The following SNX29 variants were observed in gnomAD, a reference collection of about 807,000 sequenced individuals.
The protein encoded by SNX29 is sorting nexin 29, also known as sorting nexin-29.
In SNX29, 78 loss-of-function variants were observed where a neutral mutation model predicts 102.1. The ratio of observed to expected loss-of-function variants is 0.76; its 90% confidence interval spans 0.64 to 0.92. The LOEUF (loss-of-function observed/expected upper bound fraction) is 0.92, where lower values mean the gene tolerates loss of function less well. Among genes scored for constraint, SNX29 ranks in the 40% least tolerant of loss-of-function variants. The pLI is 0.00. For missense variants in SNX29, 1,280 were observed against 1,061.7 expected, an observed-to-expected ratio of 1.21 and a Z score of -2.86; for synonymous variants, 580 against 414.5, an observed-to-expected ratio of 1.40 and a Z score of -4.85.
At chr16:12,054,125 G>A (rs531574777) in intron 8 of SNX29, among the ~76,000 whole-genome samples, 1 of 152,022 alleles carries the variant, frequency 6.6e-6, no homozygotes, top group Admixed American at 6.6e-5. Context: ...CCGCCACCAC[G>A]CCCGGCTAAT....
intron 15 of SNX29, among the ~76,000 whole-genome samples, chr16:12,329,661 G>C (rs2081236661): frequency 6.6e-6 from 1 of 152,356 alleles, no homozygotes; most frequent in Non-Finnish European, 1.5e-5. Flanking sequence ...ATCCATGCCA[G>C]CTGCTAAGCA....
At chr16:12,037,143 A>G (rs982019293) in intron 4 of SNX29, among the ~76,000 whole-genome samples, 2 of 152,152 alleles carry the variant, frequency 1.3e-5, no homozygotes, top group African/African-American at 4.8e-5. Flanking sequence ...CTTACGGGTC[A>G]TATTATAGGG....
At chr16:12,439,042 C>T (rs2085673986) in intron 18 of SNX29, among the ~76,000 whole-genome samples, 1 of 152,218 alleles carries the variant, frequency 6.6e-6, no homozygotes, top group African/African-American at 2.4e-5. Context: ...CCCGGGCTTC[C>T]AAGGCAGGGC....
At chr16:12,524,556 G>A (rs942782842) in intron 19 of SNX29, 146 bp from the exon 20 acceptor site, 6 of 779,154 alleles carry the variant, frequency 7.7e-6, no homozygotes, top group African/African-American at 7.4e-5. Flanking sequence ...CTACATGTAA[G>A]GGCTTAGGGA....
chr16:12,527,733 G>C (rs1247122858), intron 20 of SNX29, among the ~76,000 whole-genome samples: 1 of 152,180 alleles, frequency 6.6e-6, no homozygotes, highest in African/African-American at 2.4e-5. Flanking sequence ...GAGGTGGGAA[G>C]CCTGCACCCT....
At chr16:12,045,843 T>G in intron 5 of SNX29, among the ~76,000 whole-genome samples, 1 of 152,042 alleles carries the variant, frequency 6.6e-6, no homozygotes, top group Non-Finnish European at 1.5e-5. Context: ...CAGGCTGGTC[T>G]TGAACTCCTG....
chr16:12,253,298 C>T (rs1475644671), intron 14 of SNX29, among the ~76,000 whole-genome samples: 21 of 152,174 alleles, frequency 1.4e-4, no homozygotes, highest in Non-Finnish European at 4.4e-5. Context: ...GGGCCAGGTC[C>T]TGTACTAGGC....
At chr16:12,459,522 G>C (rs1038341332) in intron 18 of SNX29, among the ~76,000 whole-genome samples, 1 of 152,178 alleles carries the variant, frequency 6.6e-6, no homozygotes, top group Non-Finnish European at 1.5e-5. Flanking sequence ...GGCAGGCAGA[G>C]AAAGACAACC....
rs1370001040 is a variant in SNX29, at chr16:12,569,404, C to A, written c.*775C>A. ...ATCTGGCCCAGCCATCAGCAGCAAC[C>A]TAGTAACCCGGCGTCATCCAGCGTG... On this transcript the variant is annotated 3_prime_UTR_variant, in exon 21 of 21. Transcript: ENST00000566228. The A allele has an allele frequency of 8.7e-6, 2 of 230,798 alleles. No homozygotes were observed. Among genetic ancestry groups the A allele is most frequent in the Non-Finnish European group, 1.7e-5 (2 of 116,648 alleles). The allele number at this position is 230,798 out of a possible 1,614,324, so 14.3% of individuals were successfully genotyped here. A position where few individuals can be genotyped will look rare whatever the true frequency, so the allele number is the denominator to read the frequency against.
chr16:12,558,327 A>C (rs1312505271), intron 20 of SNX29, among the ~76,000 whole-genome samples: 1 of 149,958 alleles, frequency 6.7e-6, no homozygotes, highest in East Asian at 1.9e-4. Flanking sequence ...GTGGCTATCA[A>C]CAAAGAGACA....
At chr16:12,486,895 G>A (rs539377718) in intron 19 of SNX29, among the ~76,000 whole-genome samples, 2 of 152,284 alleles carry the variant, frequency 1.3e-5, no homozygotes, top group South Asian at 4.1e-4. Flanking sequence ...CTTGTGGGGT[G>A]ACAGTTACTC....
intron 19 of SNX29, among the ~76,000 whole-genome samples, chr16:12,523,874 A>G (rs2090193959): frequency 6.6e-6 from 1 of 151,824 alleles, no homozygotes; most frequent in Non-Finnish European, 1.5e-5. Flanking sequence ...CCATGCTACC[A>G]TGCATCCTAG....
At chr16:12,300,301 C>T (rs1433569661) in intron 15 of SNX29, among the ~76,000 whole-genome samples, 1 of 152,190 alleles carries the variant, frequency 6.6e-6, no homozygotes, top group African/African-American at 2.4e-5. Flanking sequence ...TCTTCCACCA[C>T]TTTCTCCAAC....
rs1418430992 is a variant in SNX29, at chr16:12,098,600, C to T, written c.1402+19685C>T. On this transcript the variant is annotated intron_variant, in intron 11 of 20. Coordinates refer to ENST00000566228, the MANE Select transcript of SNX29 (RefSeq NM_032167.5). The surrounding 1 kb of genome is among the most constrained non-coding windows in gnomAD (Gnocchi z 6.0). ...CGCCCGATTCAGTTTCATGCTCTTC[C>T]GTCTGCCGGGACACCCTCCCCTCTC... 4.6e-5 allele frequency among the ~76,000 whole-genome samples: 7 copies of T among 152,200 alleles called. No homozygotes were observed. Among genetic ancestry groups the T allele is most frequent in the African/African-American group, 1.2e-4 (5 of 41,442 alleles).
At chr16:12,385,213 GA>G (rs1327483858) in intron 16 of SNX29, among the ~76,000 whole-genome samples, 16 of 152,154 alleles carry the variant, frequency 1.1e-4, no homozygotes, top group Admixed American at 5.2e-4. Context: ...CGGGAGAAGG[GA>G]TTATCATTTC....
At chr16:12,139,379 CTG>C (rs2054786044) in intron 13 of SNX29, among the ~76,000 whole-genome samples, 1 of 152,154 alleles carries the variant, frequency 6.6e-6, no homozygotes. Context: ...CCCTTTTAGA[CTG>C]TGCGATCCAT....
At chr16:12,472,855 C>G (rs1302039185) in intron 18 of SNX29, among the ~76,000 whole-genome samples, 1 of 152,118 alleles carries the variant, frequency 6.6e-6, no homozygotes, top group Non-Finnish European at 1.5e-5. Flanking sequence ...TTTGAACTTC[C>G]TCTTAAAATG....
At chr16:12,565,452 C>T (rs988519644) in intron 20 of SNX29, among the ~76,000 whole-genome samples, 3 of 152,198 alleles carry the variant, frequency 2.0e-5, no homozygotes, top group South Asian at 4.1e-4. Context: ...GCCCCCTCCT[C>T]ATCCTGGGTT....
intron 19 of SNX29, among the ~76,000 whole-genome samples, chr16:12,487,158 G>A (rs149529518): frequency 2.6e-5 from 4 of 152,308 alleles, no homozygotes; most frequent in African/African-American, 9.6e-5. Context: ...TCAGAACAGT[G>A]TCTGGCACAT....
Sources: allele counts gnomAD v4.1 joint callset (sites outside exome capture counted in the v4.1 genomes callset), GRCh38; gene constraint gnomAD v4.1.1; non-coding constraint Gnocchi (gnomAD v3.1); transcripts MANE v1.5; gene names NCBI Gene and HGNC (gene_info 2026-07-23, HGNC 2026-07-21).